IPO13: variants seen among roughly 807,000 people sequenced by gnomAD.
IPO13 encodes importin 13, also known as importin-13.
IPO13 carries 28 observed loss-of-function variants against 115.5 expected under a neutral mutation model. The observed-to-expected ratio is 0.24, with a 90% CI of 0.18 to 0.33. The LOEUF is 0.33. Ranked by LOEUF, IPO13 falls within the 10% of genes least tolerant of loss-of-function variation. IPO13 has a pLI of 1.00. For missense variants in IPO13, 785 were observed against 1,204.6 expected (o/e 0.65, Z 5.16); for synonymous variants, 414 against 478.9 (o/e 0.86, Z 1.77).
In IPO13 at chr1:43,966,801, C is replaced by A; in HGVS notation, c.2523+19C>A. On this transcript the variant is annotated intron_variant, in intron 17 of 19. Coordinates refer to ENST00000372343, the MANE Select transcript of IPO13 (RefSeq NM_014652.4). The surrounding 1 kb of genome is among the most constrained non-coding windows in gnomAD (Gnocchi z 4.1). ...CTTCTTTGTGAGTCCCATGCTGAAC[C>A]CTGACCCACTGCCACCCCAGTGCCC... 1.2e-6 allele frequency: 2 copies of A among 1,613,834 alleles called. No homozygotes were observed. Among genetic ancestry groups the A allele is most frequent in the Middle Eastern group, 1.6e-4 (1 of 6,062 alleles).
chr1:43,965,009 A>G (rs940849114), intron 15 of IPO13, among the ~76,000 whole-genome samples: 2 of 152,018 alleles, frequency 1.3e-5, no homozygotes, highest in African/African-American at 4.8e-5. Flanking sequence ...TGTGTGCTGT[A>G]TGTTGATGTG....
Position 43,959,134 on chromosome 1 carries a change from T to A in IPO13, c.2028+245T>A, listed in dbSNP as rs146524782. On this transcript the variant is annotated intron_variant, in intron 11 of 19. Transcript: ENST00000372343. ...GATGTTGTCCTTGTCCCCAGCCCAA[T>A]TAGGGTGATGTCATTGAGATTCCTC... 5.3e-5 allele frequency among the ~76,000 whole-genome samples: 8 copies of A among 152,336 alleles called. No individual in the cohort carries two copies. The East Asian group carries it at 1.5e-3, about 29-fold the overall frequency.
Position 43,967,759 on chromosome 1 carries a change from GTC to G in IPO13, c.*81_*82del. 1 of 1,335,620 alleles carries G rather than the reference GTC, an allele frequency of 7.5e-7. No homozygotes were observed. Among genetic ancestry groups the G allele is most frequent in the South Asian group, 1.2e-5 (1 of 82,688 alleles). The allele number at this position is 1,335,620 out of a possible 1,614,324, so 82.7% of individuals were successfully genotyped here. On this transcript the variant is annotated 3_prime_UTR_variant, in exon 20 of 20. Transcript: ENST00000372343. The surrounding 1 kb of genome is among the most constrained non-coding windows in gnomAD (Gnocchi z 6.1). ...AGAGTAAACCTGGACCCTCACTGCTGTCTCTGCCTCCTTTCTGCTGTCACCAC... is the reference window on the plus strand; with the variant it reads ...AGAGTAAACCTGGACCCTCACTGCTGTCTGCCTCCTTTCTGCTGTCACCAC...
rs779658835 is a variant in IPO13, at chr1:43,966,139, G to GT, written c.2398-436_2398-435insT. 3 of 262,486 alleles carry GT rather than the reference G, an allele frequency of 1.1e-5. No individual in the cohort carries two copies. The highest frequency in any genetic ancestry group is 2.3e-5 in the Non-Finnish European group (3 of 131,624). 16.3% of individuals were successfully genotyped at this position (262,486 alleles called of 1,614,324 possible). The stretch of plus-strand genomic sequence containing the variant: ...GAGGGACATGGGAGGAGGGCTGTTG[G>GT]GCTGAGGGCTCCCTGTCTGGCTGCC... On this transcript the variant is annotated intron_variant, in intron 15 of 19. Transcript: ENST00000372343. This position sits in a 1 kb window ranked among gnomAD's most constrained non-coding sequence, Gnocchi z 4.1.
chr1:43,960,076 T>C (rs1017239458), intron 11 of IPO13, among the ~76,000 whole-genome samples, 173 bp from the exon 12 acceptor site: 1 of 152,222 alleles, frequency 6.6e-6, no homozygotes, highest in African/African-American at 2.4e-5. Flanking sequence ...TTTTCATTCA[T>C]GAGAGAGTTC....
chr1:43,957,505 G>C lies in IPO13; in HGVS notation c.1496G>C (p.Ser499Thr). Residue 499 changes from serine to threonine, a missense_variant, in exon 7 of 20, where the codon AGC (serine) becomes ACC (threonine). By Grantham distance (58) the Ser-to-Thr change is moderately conservative (BLOSUM62 1). Transcript: ENST00000372343. ...CTCATTGGCCTCATCCCACGGATCAGCATCAGCAACGTGCAGCTGGCAGAC... is the reference window on the plus strand; with the variant it reads ...CTCATTGGCCTCATCCCACGGATCACCATCAGCAACGTGCAGCTGGCAGAC... ...PGLIGLIPRISISNVQLADTV... is the reference protein window; with the variant it reads ...PGLIGLIPRITISNVQLADTV... The C allele has an allele frequency of 6.2e-7, 1 of 1,614,224 alleles. No homozygotes were observed. The highest frequency in any genetic ancestry group is 8.5e-7 in the Non-Finnish European group (1 of 1,180,038).
chr1:43,962,973 C>T (rs886957700), intron 14 of IPO13, among the ~76,000 whole-genome samples: 4 of 152,216 alleles, frequency 2.6e-5, no homozygotes, highest in Admixed American at 2.0e-4. Context: ...GCCCTTGGAA[C>T]CTTTCCTTCT....
At chr1:43,949,193 G>T (rs1230064896) in intron 1 of IPO13, among the ~76,000 whole-genome samples, 3 of 152,166 alleles carry the variant, frequency 2.0e-5, no homozygotes, top group African/African-American at 7.2e-5. Flanking sequence ...ATAATGTTTT[G>T]CTGTAAGGAG....
rs149770624 is a variant in IPO13, at chr1:43,959,018, G to A, written c.2028+129G>A. 2.6e-4 allele frequency: 234 copies of A among 909,124 alleles called. 1 individual carries two copies. In the East Asian group the frequency reaches 5.4e-3, roughly 21 times the overall value. 56.3% of individuals were successfully genotyped at this position (909,124 alleles called of 1,614,324 possible). A position where few individuals can be genotyped will look rare whatever the true frequency, so the allele number is the denominator to read the frequency against. ...TCATTGTTCTCCCTGCCCCGTGGGC[G>A]TGATATATTTGGTCCTCTGACTCCA... On this transcript the variant is annotated intron_variant, in intron 11 of 19. Coordinates refer to ENST00000372343, the MANE Select transcript of IPO13 (RefSeq NM_014652.4).
In IPO13 at chr1:43,951,688, A is replaced by G. The variant is rs115478515; in HGVS notation, c.821+1535A>G. Among the ~76,000 whole-genome samples, 113 of 152,350 alleles carry G rather than the reference A, an allele frequency of 7.4e-4. 1 individual carries two copies. The highest frequency in any genetic ancestry group is 2.6e-3 in the African/African-American group (109 of 41,572). The stretch of plus-strand genomic sequence containing the variant: ...TGAGACTTTTGGTATGAGCTGGATT[A>G]GAAGAAGTGAGACTGGAGGTCCTGA... On this transcript the variant is annotated intron_variant, in intron 2 of 19. Coordinates refer to ENST00000372343, the MANE Select transcript of IPO13 (RefSeq NM_014652.4).
chr1:43,960,224 G>T lies in IPO13; in HGVS notation c.2029-25G>T, dbSNP rs376090151. ...GGTCACAGTGATGGATAGCAGAAGC[G>T]CCTCACTTCTTCCTGTGCCTTCAGG... On this transcript the variant is annotated intron_variant, in intron 11 of 19. Coordinates refer to ENST00000372343, the MANE Select transcript of IPO13 (RefSeq NM_014652.4). The T allele has an allele frequency of 1.6e-5, 26 of 1,611,832 alleles. No homozygotes were observed. In the African/African-American group the frequency reaches 3.3e-4, roughly 21 times the overall value.
At position 43,956,671 on chromosome 1, in the gene IPO13, C is replaced by T. The variant is rs1438670429; in HGVS notation, c.1074C>T (p.Ser358=). Residue 358 remains serine (S), a synonymous_variant, in exon 4 of 20, where the codon TCC becomes TCT. Transcript: ENST00000372343. This position sits in a 1 kb window ranked among gnomAD's most constrained non-coding sequence, Gnocchi z 4.7. ...ATCCTGTCAATGAGACCACCAGCTC[C>T]CTAACCCTCACCTTCTGGTACACAC... ...GHYPVNETTS[S]LTLTFWYTLQ... The T allele has an allele frequency of 2.5e-6, 4 of 1,614,228 alleles. No individual in the cohort carries two copies. The highest frequency in any genetic ancestry group is 1.7e-6 in the Non-Finnish European group (2 of 1,180,052).
chr1:43,960,060 A>G (rs1426941055), intron 11 of IPO13, among the ~76,000 whole-genome samples, 189 bp from the exon 12 acceptor site: 1 of 151,824 alleles, frequency 6.6e-6, no homozygotes, highest in Non-Finnish European at 1.5e-5. Context: ...TTCAGGAAAT[A>G]CTCCTTTTTC....
intron 14 of IPO13, 90 bp downstream of exon 14, chr1:43,961,352 TC>T (rs1345440636): frequency 3.9e-6 from 4 of 1,028,030 alleles, no homozygotes; most frequent in Non-Finnish European, 6.2e-6. Flanking sequence ...ACTCTGTTCT[TC>T]TCTGTCCCCT....
chr1:43,954,507 C>T (rs1295615982), intron 2 of IPO13, among the ~76,000 whole-genome samples: 1 of 152,172 alleles, frequency 6.6e-6, no homozygotes, highest in Non-Finnish European at 1.5e-5. Flanking sequence ...GTCCCCAACT[C>T]CCTAACATAG....
At position 43,967,298 on chromosome 1, in the gene IPO13, G is replaced by A; in HGVS notation, c.2614-17G>A. On this transcript the variant is annotated splice_polypyrimidine_tract_variant and intron_variant, in intron 18 of 19. Coordinates refer to ENST00000372343, the MANE Select transcript of IPO13 (RefSeq NM_014652.4). This position sits in a 1 kb window ranked among gnomAD's most constrained non-coding sequence, Gnocchi z 6.1. ...AAGGGGCAACACCCTGGTGTGCTGA[G>A]AACCCCTCTCCCTCAGGCCATTGGG... The A allele has an allele frequency of 1.2e-6, 2 of 1,608,940 alleles. No individual in the cohort carries two copies. The highest frequency in any genetic ancestry group is 1.3e-5 in the African/African-American group (1 of 74,928).
chr1:43,959,781 C>T (rs1276975761), intron 11 of IPO13, among the ~76,000 whole-genome samples: 1 of 152,172 alleles, frequency 6.6e-6, no homozygotes, highest in Non-Finnish European at 1.5e-5. Context: ...TTCCTCACCT[C>T]CCAGGACCTC....
At position 43,967,640 on chromosome 1, in the gene IPO13, G is replaced by A. The variant is rs1292489805; in HGVS notation, c.2850G>A (p.Leu950=). 5.6e-6 allele frequency: 9 copies of A among 1,614,108 alleles called. No individual in the cohort carries two copies. The highest frequency in any genetic ancestry group is 7.6e-6 in the Non-Finnish European group (9 of 1,180,026). ...AGATGGTGAAGGAGTTCACACTGCT[G>A]TGCCGGGGTCTCCATGGCACAGATT... ...VKEMVKEFTL[L]CRGLHGTDYT... The change falls in exon 20 of 20, where the codon CTG becomes CTA. Residue 950 remains leucine (L), a synonymous_variant. Coordinates refer to ENST00000372343, the MANE Select transcript of IPO13 (RefSeq NM_014652.4). The surrounding 1 kb of genome is among the most constrained non-coding windows in gnomAD (Gnocchi z 6.1).
chr1:43,954,662 C>T (rs2154302160), intron 2 of IPO13, among the ~76,000 whole-genome samples: 1 of 152,320 alleles, frequency 6.6e-6, no homozygotes, highest in Admixed American at 6.5e-5. Context: ...AGGCTTCTCT[C>T]AGTCCCCTTT....
Sources: gnomAD v4.1 joint callset for allele counts (sites outside exome capture counted in the v4.1 genomes callset) on GRCh38, gnomAD v4.1.1 for gene constraint, Gnocchi (gnomAD v3.1) non-coding constraint, MANE v1.5 for transcripts, NCBI Gene and HGNC (gene_info 2026-07-23, HGNC 2026-07-21) for gene names.